Variants in ADGRL3 observed in about 807,000 individuals in gnomAD.
ADGRL3 encodes adhesion G protein-coupled receptor L3.
A neutral mutation model predicts 153.5 loss-of-function variants in ADGRL3; 62 were observed. That is an observed-to-expected ratio of 0.40 (90% CI 0.33 to 0.50). The LOEUF (loss-of-function observed/expected upper bound fraction) is 0.50. Ranked by LOEUF, ADGRL3 falls within the 20% of genes least tolerant of loss-of-function variation. The probability of loss-of-function intolerance (pLI) is 0.47; values close to 1 mark genes in which losing one functional copy is unlikely to be tolerated. For missense variants in ADGRL3, 1,641 were observed against 1,859.4 expected, an observed-to-expected ratio of 0.88 and a Z score of 2.16; for synonymous variants, 710 against 672.5, an observed-to-expected ratio of 1.06 and a Z score of -0.86.
At chr4:61,399,132 GACGTT>G (rs1481741875) in intron 2 of ADGRL3, among the ~76,000 whole-genome samples, 1 of 151,672 alleles carries the variant, frequency 6.6e-6, no homozygotes, top group East Asian at 1.9e-4. Context: ...GATGGAATCA[GACGTT>G]ACTAAAATTA....
At chr4:61,257,966 T>G (rs1344656785) in intron 1 of ADGRL3, among the ~76,000 whole-genome samples, 1 of 151,584 alleles carries the variant, frequency 6.6e-6, no homozygotes. Context: ...TCTCTGAGAG[T>G]CAGAAGTGGT....
chr4:61,945,783 C>T (rs954719889), intron 15 of ADGRL3, among the ~76,000 whole-genome samples: 1 of 151,814 alleles, frequency 6.6e-6, no homozygotes, highest in Non-Finnish European at 1.5e-5. Flanking sequence ...AATGCCTCGC[C>T]CTGCTTCGGC....
intron 1 of ADGRL3, among the ~76,000 whole-genome samples, chr4:61,298,447 A>T (rs2094481813): frequency 1.3e-5 from 2 of 152,204 alleles, no homozygotes; most frequent in Non-Finnish European, 2.9e-5. Context: ...ATTAAACAAA[A>T]GCCTTTTTGA....
chr4:61,575,805 A>G (rs2098873827), intron 4 of ADGRL3, among the ~76,000 whole-genome samples: 2 of 151,838 alleles, frequency 1.3e-5, no homozygotes, highest in Middle Eastern at 3.4e-3. Flanking sequence ...GAGGAAACAT[A>G]TGTGTAGAAA....
At chr4:61,433,869 T>C (rs1367386413) in intron 2 of ADGRL3, among the ~76,000 whole-genome samples, 2 of 152,188 alleles carry the variant, frequency 1.3e-5, no homozygotes, top group East Asian at 3.8e-4. Flanking sequence ...CAGTCTTCCT[T>C]ATCTCAATAA....
chr4:61,600,807 C>T (rs1380768174), intron 5 of ADGRL3, among the ~76,000 whole-genome samples: 1 of 151,962 alleles, frequency 6.6e-6, no homozygotes, highest in Non-Finnish European at 1.5e-5. Context: ...TTTATTATGC[C>T]TTTAGCAATA....
chr4:62,058,659 ATGTC>A (rs1738393081), intron 25 of ADGRL3, among the ~76,000 whole-genome samples: 1 of 152,104 alleles, frequency 6.6e-6, no homozygotes, highest in Non-Finnish European at 1.5e-5. Flanking sequence ...CATCGTATGT[ATGTC>A]TTCAAACTGA....
chr4:61,378,395 G>A (rs2096629507), intron 1 of ADGRL3, among the ~76,000 whole-genome samples: 1 of 151,954 alleles, frequency 6.6e-6, no homozygotes, highest in Non-Finnish European at 1.5e-5. Flanking sequence ...TGGGGCCATT[G>A]GCTAACAGGT....
intron 1 of ADGRL3, among the ~76,000 whole-genome samples, chr4:61,350,664 A>G (rs931366102): frequency 3.9e-5 from 6 of 152,086 alleles, no homozygotes; most frequent in Non-Finnish European, 1.5e-5. Context: ...AAACTTTAAA[A>G]TTATTATATC....
intron 8 of ADGRL3, among the ~76,000 whole-genome samples, chr4:61,774,479 T>C (rs771045410): frequency 1.6e-4 from 24 of 151,930 alleles, no homozygotes; most frequent in Non-Finnish European, 3.2e-4. Context: ...GTCTAAATTA[T>C]ATTTACATTG....
chr4:61,478,667 G>C (rs1265612952), intron 2 of ADGRL3, among the ~76,000 whole-genome samples: 2 of 151,918 alleles, frequency 1.3e-5, no homozygotes, highest in East Asian at 3.9e-4. Flanking sequence ...AAATAAAGGG[G>C]ATCATTGTTA....
At chr4:61,624,495 T>C (rs780889351) in intron 5 of ADGRL3, among the ~76,000 whole-genome samples, 1 of 152,140 alleles carries the variant, frequency 6.6e-6, no homozygotes, top group Non-Finnish European at 1.5e-5. Context: ...GCAAATATTT[T>C]ATGAGTGCCA....
At chr4:61,244,603 C>G (rs1756308507) in intron 1 of ADGRL3, among the ~76,000 whole-genome samples, 1 of 151,750 alleles carries the variant, frequency 6.6e-6, no homozygotes, top group South Asian at 2.1e-4. Context: ...CAATTAAAAC[C>G]CATTCTTGGA....
rs1734270182 is a variant in ADGRL3, at chr4:61,200,486, A to T, written c.-1519A>T. ...CCAGGAGCGGGGATGCAGATGCTGC[A>T]GCTGGTCGGGGTGGGCGCCGCCGCC... On this transcript the variant is annotated 5_prime_UTR_variant, in exon 1 of 27. Transcript: ENST00000683033. 1.3e-5 allele frequency among the ~76,000 whole-genome samples: 2 copies of T among 148,626 alleles called. No homozygotes were observed. The highest frequency in any genetic ancestry group is 5.1e-5 in the African/African-American group (2 of 39,094).
intron 1 of ADGRL3, among the ~76,000 whole-genome samples, chr4:61,293,687 A>G (rs2094306995): frequency 6.6e-6 from 1 of 152,192 alleles, no homozygotes; most frequent in South Asian, 2.1e-4. Flanking sequence ...ACATAGAATA[A>G]AGCATAGAAT....
In ADGRL3 at chr4:61,377,176, T is replaced by C. The variant is rs192480075; in HGVS notation, c.-239-5948T>C. ...TGGTATGGTAGGGAATGGTACGGAA[T>C]GGTATAGTATCATATCCTAGCCCAT... On this transcript the variant is annotated intron_variant, in intron 1 of 26. Coordinates refer to ENST00000683033, the MANE Select transcript of ADGRL3 (RefSeq NM_001387552.1). Among the ~76,000 whole-genome samples the C allele has an allele frequency of 2.2e-4, 34 of 152,186 alleles. No homozygotes were observed. The East Asian group carries it at 5.6e-3, about 25-fold the overall frequency.
chr4:61,468,264 A>G (rs1018302920), intron 2 of ADGRL3, among the ~76,000 whole-genome samples: 2 of 152,120 alleles, frequency 1.3e-5, no homozygotes, highest in African/African-American at 4.8e-5. Flanking sequence ...TTTTTGTAAA[A>G]CCATGACTAT....
intron 5 of ADGRL3, among the ~76,000 whole-genome samples, chr4:61,628,443 CAAA>C (rs1320161358): frequency 2.0e-5 from 3 of 152,274 alleles, no homozygotes; most frequent in Admixed American, 2.0e-4. Flanking sequence ...CACTTTAAGA[CAAA>C]GAAGCTCTTA....
intron 4 of ADGRL3, among the ~76,000 whole-genome samples, chr4:61,562,561 G>A (rs1004648507): frequency 3.3e-5 from 5 of 152,014 alleles, no homozygotes; most frequent in Non-Finnish European, 7.4e-5. Flanking sequence ...ATGTTCACCC[G>A]GAGTAGATTC....
Sources: gnomAD v4.1 joint callset for allele counts (sites outside exome capture counted in the v4.1 genomes callset) on GRCh38, gnomAD v4.1.1 for gene constraint, MANE v1.5 for transcripts, NCBI Gene and HGNC (gene_info 2026-07-23, HGNC 2026-07-21) for gene names.